Variants in IQSEC1 observed in about 807,000 individuals in gnomAD.
IQSEC1 encodes the protein IQ motif and SEC7 domain-containing protein 1.
IQSEC1 carries 31 observed loss-of-function variants against 91.0 expected under a neutral mutation model. The observed-to-expected ratio is 0.34, with a 90% CI of 0.26 to 0.46. The LOEUF is 0.46. Ranked by LOEUF, IQSEC1 falls within the 20% of genes least tolerant of loss-of-function variation. The pLI, the probability that IQSEC1 is intolerant of heterozygous loss-of-function variation, is 1.00. For missense variants in IQSEC1, 1,388 were observed against 1,575.6 expected, an observed-to-expected ratio of 0.88 and a Z score of 2.02; for synonymous variants, 699 against 662.6, an observed-to-expected ratio of 1.05 and a Z score of -0.84.
At chr3:13,242,600 C>T (rs924882309) in intron 1 of IQSEC1, among the ~76,000 whole-genome samples, 1 of 152,118 alleles carries the variant, frequency 6.6e-6, no homozygotes, top group Non-Finnish European at 1.5e-5. Flanking sequence ...TAGGGGGAGG[C>T]GGGGCTGGTC....
At chr3:12,926,332 G>T (rs1158157883) in intron 3 of IQSEC1, among the ~76,000 whole-genome samples, 1 of 151,914 alleles carries the variant, frequency 6.6e-6, no homozygotes, top group African/African-American at 2.4e-5. Flanking sequence ...AACAAAAAAG[G>T]AGACAGGCTG....
chr3:13,096,481 C>G (rs79495030), intron 2 of IQSEC1, among the ~76,000 whole-genome samples: 9 of 152,252 alleles, frequency 5.9e-5, no homozygotes, highest in Non-Finnish European at 1.3e-4. Flanking sequence ...TAGCAAGAAT[C>G]AAGTATTTGG....
chr3:13,234,228 C>G (rs1694883655), intron 1 of IQSEC1, among the ~76,000 whole-genome samples: 1 of 147,812 alleles, frequency 6.8e-6, no homozygotes, highest in South Asian at 2.1e-4. Context: ...GCCCCCGTGT[C>G]TGTGCCTGTG....
intron 1 of IQSEC1, among the ~76,000 whole-genome samples, chr3:12,978,688 G>C (rs915646667): frequency 6.8e-6 from 1 of 146,672 alleles, no homozygotes; most frequent in Admixed American, 6.8e-5. Flanking sequence ...CTGGGCAATA[G>C]AGCGAGGCTC....
chr3:13,247,279 G>A (rs545430693), intron 1 of IQSEC1, among the ~76,000 whole-genome samples: 12 of 152,266 alleles, frequency 7.9e-5, no homozygotes, highest in South Asian at 4.1e-4. Flanking sequence ...CCCCCAGGAC[G>A]TGCTGGGATT....
chr3:13,280,618 C>T (rs1444918925), intron 1 of IQSEC1, among the ~76,000 whole-genome samples: 1 of 152,200 alleles, frequency 6.6e-6, no homozygotes, highest in Admixed American at 6.5e-5. Context: ...AGACTCCCCA[C>T]AGCCTCACTG....
At chr3:12,906,495 G>A (rs1458736492) in intron 12 of IQSEC1, among the ~76,000 whole-genome samples, 1 of 152,206 alleles carries the variant, frequency 6.6e-6, no homozygotes, top group African/African-American at 2.4e-5. Flanking sequence ...ACCCCACCTC[G>A]CTTCACCCCC....
chr3:13,070,791 C>A (rs1705388507), intron 1 of IQSEC1, among the ~76,000 whole-genome samples: 1 of 152,208 alleles, frequency 6.6e-6, no homozygotes, highest in South Asian at 2.1e-4. Context: ...AAAAGAAAGA[C>A]AGTGAGCGCT....
In IQSEC1 at chr3:12,899,042, T is replaced by TA. The variant is rs1336349707; in HGVS notation, c.*1940dup. 1 of 296,650 alleles carries TA rather than the reference T, an allele frequency of 3.4e-6. No homozygotes were observed. The highest frequency in any genetic ancestry group is 6.5e-6 in the Non-Finnish European group (1 of 154,954). 18.4% of individuals were successfully genotyped at this position (296,650 alleles called of 1,614,324 possible). Reference sequence around the variant, plus strand: ...AATGGGAGGACACAGGTGGGCGGGTTAAAGTCACATTTTTAAAAAGGCTAA... The same window carrying TA: ...AATGGGAGGACACAGGTGGGCGGGTTAAAAGTCACATTTTTAAAAAGGCTAA... On this transcript the variant is annotated 3_prime_UTR_variant, in exon 14 of 14. Transcript: ENST00000613206.
At position 12,899,308 on chromosome 3, in the gene IQSEC1, C is replaced by T. The variant is rs1454146459; in HGVS notation, c.*1675G>A. 1 of 1,501,546 alleles carries T rather than the reference C, an allele frequency of 6.7e-7. No individual in the cohort carries two copies. Among genetic ancestry groups the T allele is most frequent in the Non-Finnish European group, 9.1e-7 (1 of 1,094,288 alleles). 93.0% of individuals were successfully genotyped at this position (1,501,546 alleles called of 1,614,324 possible). A position where few individuals can be genotyped will look rare whatever the true frequency, so the allele number is the denominator to read the frequency against. ...ACTGGGAACGCGGCCCCGCGGCCCGCAGAGTCAGGCGTGAGCTTCGCCCTT... is the reference window on the plus strand; with the variant it reads ...ACTGGGAACGCGGCCCCGCGGCCCGTAGAGTCAGGCGTGAGCTTCGCCCTT... On this transcript the variant is annotated 3_prime_UTR_variant, in exon 14 of 14. Transcript: ENST00000613206.
chr3:13,006,043 G>A (rs1702621535), intron 1 of IQSEC1, among the ~76,000 whole-genome samples: 1 of 152,222 alleles, frequency 6.6e-6, no homozygotes, highest in Non-Finnish European at 1.5e-5. Context: ...TGACTTTAGA[G>A]CTTACTCCCC....
chr3:13,053,979 A>C (rs763535448), intron 1 of IQSEC1, among the ~76,000 whole-genome samples: 71 of 151,528 alleles, frequency 4.7e-4, no homozygotes, highest in Non-Finnish European at 8.4e-4. Context: ...GATGTGTTTT[A>C]GTTACACAAA....
intron 1 of IQSEC1, among the ~76,000 whole-genome samples, chr3:13,270,201 G>A (rs1695570150): frequency 6.6e-6 from 1 of 152,298 alleles, no homozygotes; most frequent in Admixed American, 6.5e-5. Flanking sequence ...GCCAAGCACT[G>A]CCCAACCTCT....
intron 1 of IQSEC1, among the ~76,000 whole-genome samples, chr3:13,258,223 G>A (rs536663624): frequency 6.6e-6 from 1 of 152,316 alleles, no homozygotes; most frequent in African/African-American, 2.4e-5. Context: ...ATCCATTGCG[G>A]CAGATGTGCC....
rs554115200 is a variant in IQSEC1, at chr3:13,198,965, C to T, written c.273-34832G>A. Among the ~76,000 whole-genome samples, 3 of 152,290 alleles carry T rather than the reference C, an allele frequency of 2.0e-5. No homozygotes were observed. In the East Asian group the frequency reaches 5.8e-4, roughly 29 times the overall value. On this transcript the variant is annotated intron_variant, in intron 1 of 15. Coordinates refer to the IQSEC1 transcript ENST00000648114. ...ACCATGGCTGGGCTTGGGAGGCTGCCGGGCGAGTGTTTAGCCTGTATTTTC... is the reference window on the plus strand; with the variant it reads ...ACCATGGCTGGGCTTGGGAGGCTGCTGGGCGAGTGTTTAGCCTGTATTTTC...
At chr3:13,229,781 C>G (rs752132887) in intron 1 of IQSEC1, among the ~76,000 whole-genome samples, 6 of 152,258 alleles carry the variant, frequency 3.9e-5, no homozygotes, top group Admixed American at 1.3e-4. Flanking sequence ...CTCTTCTGCA[C>G]AGCTCAGCCA....
At chr3:13,009,453 C>G (rs1163540950) in intron 1 of IQSEC1, among the ~76,000 whole-genome samples, 1 of 152,042 alleles carries the variant, frequency 6.6e-6, no homozygotes, top group Non-Finnish European at 1.5e-5. Context: ...GTTTCCCCAT[C>G]CTGCCCGCTC....
chr3:13,226,892 G>A (rs1394524988), intron 1 of IQSEC1, among the ~76,000 whole-genome samples: 2 of 152,124 alleles, frequency 1.3e-5, no homozygotes, highest in Non-Finnish European at 1.5e-5. Flanking sequence ...CTCACCTCCA[G>A]GCACAGCCTC....
At chr3:13,098,055 C>T (rs986427426) in intron 2 of IQSEC1, among the ~76,000 whole-genome samples, 1 of 152,196 alleles carries the variant, frequency 6.6e-6, no homozygotes, top group African/African-American at 2.4e-5. Context: ...GCAGTGGTGC[C>T]CTCAATGTCT....
Sources: gnomAD v4.1 joint callset for allele counts (sites outside exome capture counted in the v4.1 genomes callset) on GRCh38, gnomAD v4.1.1 for gene constraint, MANE v1.5 for transcripts, NCBI Gene and HGNC (gene_info 2026-07-23, HGNC 2026-07-21) for gene names.